SNHG17: variants seen among roughly 807,000 people sequenced by gnomAD.
SNHG17 encodes small nucleolar RNA host gene 17 (non-protein coding).
chr20:38,427,205 C>A, intron 3 of SNHG17: 1 of 353,526 alleles, frequency 2.8e-6, no homozygotes. Flanking sequence ...AAAGAGAGGT[C>A]AAGCTGAGAA....
chr20:38,433,816 A>G (rs760754201), intron 2 of SNHG17: 49 of 518,988 alleles, frequency 9.4e-5, no homozygotes, highest in Non-Finnish European at 1.9e-4. Context: ...AGCACTCACT[A>G]ATAAGACACC....
At chr20:38,432,102 G>A (rs1343517306) in intron 2 of SNHG17, 1 of 985,320 alleles carries the variant, frequency 1.0e-6, no homozygotes, top group African/African-American at 1.7e-5. Flanking sequence ...CCCTGGATGA[G>A]CTATCTAGAC....
intron 3 of SNHG17, chr20:38,429,864 C>T (rs558345250): frequency 7.9e-6 from 4 of 507,574 alleles, no homozygotes; most frequent in South Asian, 5.7e-5. Context: ...GGGCAATGGT[C>T]TCACCTGGAA....
chr20:38,425,101 G>C, intron 5 of SNHG17: 1 of 420,776 alleles, frequency 2.4e-6, no homozygotes, highest in South Asian at 1.8e-5. Flanking sequence ...TCTCTTCTCC[G>C]GCCTGTTGAA....
chr20:38,434,977 C>A (rs1253265318), intron 1 of SNHG17: 3 of 1,229,260 alleles, frequency 2.4e-6, no homozygotes, highest in Non-Finnish European at 3.0e-6. Flanking sequence ...GGGGGTCTGA[C>A]GACCGCACGT....
At chr20:38,435,259 T>G in exon 1 of SNHG17, 1 of 1,231,828 alleles carries the variant, frequency 8.1e-7, no homozygotes, top group East Asian at 3.2e-5. Flanking sequence ...AATCAAGATG[T>G]CTGCAGATTT....
chr20:38,425,868 A>G (rs1423507989), intron 5 of SNHG17: 2 of 153,600 alleles, frequency 1.3e-5, no homozygotes, highest in Non-Finnish European at 2.9e-5. Context: ...AACGAGCCCA[A>G]GCAACATGGT....
chr20:38,434,965 C>CA, intron 1 of SNHG17: 1 of 1,228,864 alleles, frequency 8.1e-7, no homozygotes, highest in Non-Finnish European at 1.0e-6. Flanking sequence ...GCTGCGCGGA[C>CA]AGGGGGTCTG....
intron 5 of SNHG17, chr20:38,425,252 G>A (rs922581516): frequency 3.9e-6 from 2 of 519,202 alleles, no homozygotes; most frequent in Admixed American, 3.9e-5. Flanking sequence ...CAAACACGGG[G>A]AAGCGCTTTC....
At chr20:38,429,866 C>T in intron 3 of SNHG17, 1 of 500,472 alleles carries the variant, frequency 2.0e-6, no homozygotes, top group Admixed American at 2.2e-5. Flanking sequence ...GCAATGGTCT[C>T]ACCTGGAACA....
intron 1 of SNHG17, chr20:38,434,842 G>T: frequency 1.0e-6 from 1 of 985,430 alleles, no homozygotes; most frequent in South Asian, 4.7e-5. Flanking sequence ...CACTTTGTAG[G>T]CAACAGTCAA....
At chr20:38,433,454 G>A (rs1220500639) in intron 2 of SNHG17, among the ~76,000 whole-genome samples, 1 of 152,090 alleles carries the variant, frequency 6.6e-6, no homozygotes, top group Non-Finnish European at 1.5e-5. Context: ...GACCAGCCTG[G>A]GCAACATAGC....
intron 3 of SNHG17, among the ~76,000 whole-genome samples, chr20:38,426,995 T>TACACAC (rs765781057): frequency 0.028 from 3,540 of 125,572 alleles, 166 homozygotes; most frequent in African/African-American, 0.072. Flanking sequence ...AAGTTACACA[T>TACACAC]ACACACACAC....
At chr20:38,426,995 T>TACACATACACACAC (rs1555851342) in intron 3 of SNHG17, among the ~76,000 whole-genome samples, 54 of 125,644 alleles carry the variant, frequency 4.3e-4, no homozygotes, top group African/African-American at 1.5e-3. Context: ...AAGTTACACA[T>TACACATACACACAC]ACACACACAC....
chr20:38,424,184 T>TA (rs11350648), intron 5 of SNHG17, among the ~76,000 whole-genome samples: 46,296 of 145,466 alleles, frequency 0.32, 7,590 homozygotes, highest in African/African-American at 0.44. Flanking sequence ...AAAAAAAAAT[T>TA]AAAAAAAAAA....
chr20:38,431,984 G>A lies in SNHG17; in HGVS notation n.309-872C>T, dbSNP rs930154353. 7 of 985,286 alleles carry A rather than the reference G, an allele frequency of 7.1e-6. No homozygotes were observed. In the African/African-American group the frequency reaches 1.2e-4, roughly 17 times the overall value. The allele number at this position is 985,286 out of a possible 1,614,324, so 61.0% of individuals were successfully genotyped here. A position where few individuals can be genotyped will look rare whatever the true frequency, so the allele number is the denominator to read the frequency against. ...TGGGACACAAAGCCCCAGATCTCCA[G>A]AGGACAGACCTCATAGAACACCATG... On this transcript the variant is annotated intron_variant and non_coding_transcript_variant, in intron 2 of 8. Coordinates refer to ENST00000654008, the Ensembl canonical transcript of SNHG17.
At chr20:38,433,853 G>C in intron 2 of SNHG17, 1 of 519,246 alleles carries the variant, frequency 1.9e-6, no homozygotes, top group South Asian at 1.4e-5. Context: ...TTGAAAGATG[G>C]TGAGAAGGAG....
chr20:38,430,724 G>C (rs543645194), intron 3 of SNHG17: 3 of 152,354 alleles, frequency 2.0e-5, no homozygotes, highest in African/African-American at 7.2e-5. Context: ...CGGGCACTGG[G>C]TATGAATCCA....
At chr20:38,433,605 A>G (rs961442238) in intron 2 of SNHG17, among the ~76,000 whole-genome samples, 2 of 152,232 alleles carry the variant, frequency 1.3e-5, no homozygotes, top group East Asian at 1.9e-4. Flanking sequence ...AAAAAATACA[A>G]TAAAATATTA....
Sources: gnomAD v4.1 joint callset for allele counts (sites outside exome capture counted in the v4.1 genomes callset) on GRCh38, gnomAD v4.1.1 for gene constraint, MANE v1.5 for transcripts, NCBI Gene and HGNC (gene_info 2026-07-23, HGNC 2026-07-21) for gene names.